The following TPD52 variants were observed in gnomAD, a reference collection of about 807,000 sequenced individuals.
The protein encoded by TPD52 is tumor protein D52.
In TPD52, 17 loss-of-function variants were observed where a neutral mutation model predicts 31.3. That is an observed-to-expected ratio of 0.54 (90% confidence interval 0.37 to 0.82). The LOEUF is 0.82. Among genes scored for constraint, TPD52 ranks in the 40% least tolerant of loss-of-function variants. TPD52 has a pLI of 0.00. For missense variants in TPD52, 212 were observed against 240.1 expected (o/e 0.88, Z 0.77); for synonymous variants, 83 against 89.6 (o/e 0.93, Z 0.42).
chr8:80,095,554 A>T (rs1162081916), intron 1 of TPD52, among the ~76,000 whole-genome samples: 1 of 152,212 alleles, frequency 6.6e-6, no homozygotes, highest in Non-Finnish European at 1.5e-5. Flanking sequence ...TAACAAATGT[A>T]CCATATGAAT....
At chr8:80,041,269 T>C (rs984323393) in intron 7 of TPD52, among the ~76,000 whole-genome samples, 1 of 152,150 alleles carries the variant, frequency 6.6e-6, no homozygotes, top group African/African-American at 2.4e-5. Flanking sequence ...TCTGCACATG[T>C]ATCCCAGAAC....
intron 1 of TPD52, among the ~76,000 whole-genome samples, chr8:80,121,537 A>T (rs533600900): frequency 6.6e-6 from 1 of 152,334 alleles, no homozygotes; most frequent in East Asian, 1.9e-4. Context: ...TACATTGTGT[A>T]AAAGTAGTCA....
intron 1 of TPD52, among the ~76,000 whole-genome samples, chr8:80,082,896 T>G (rs558351463): frequency 3.9e-5 from 6 of 152,360 alleles, no homozygotes; most frequent in African/African-American, 1.4e-4. Flanking sequence ...TTGCCTAAAA[T>G]TTTTATTTTA....
intron 5 of TPD52, among the ~76,000 whole-genome samples, chr8:80,048,658 A>G (rs1811096938): frequency 6.6e-6 from 1 of 152,234 alleles, no homozygotes; most frequent in African/African-American, 2.4e-5. Context: ...TTTTCTTTAT[A>G]TGTGTCAACA....
chr8:80,142,968 C>T (rs1035078940), intron 1 of TPD52, among the ~76,000 whole-genome samples: 10 of 152,176 alleles, frequency 6.6e-5, no homozygotes, highest in Non-Finnish European at 1.3e-4. Flanking sequence ...CACCAATCAA[C>T]AGAGCAACAC....
At chr8:80,129,703 C>CT (rs5892709) in intron 1 of TPD52, among the ~76,000 whole-genome samples, 45,994 of 129,640 alleles carry the variant, frequency 0.35, 9,226 homozygotes, top group East Asian at 0.7. Flanking sequence ...ACTCTCATTT[C>CT]TTTTTTTTTT....
chr8:80,076,213 C>G (rs767237044), intron 1 of TPD52, among the ~76,000 whole-genome samples: 1 of 152,170 alleles, frequency 6.6e-6, no homozygotes, highest in Non-Finnish European at 1.5e-5. Context: ...TGCGTAAGTT[C>G]ATTGTAGCAC....
intron 1 of TPD52, among the ~76,000 whole-genome samples, chr8:80,147,856 C>A (rs182842945): frequency 1.7e-3 from 251 of 151,498 alleles, no homozygotes; most frequent in East Asian, 0.013. Flanking sequence ...ACACACACAC[C>A]CCCCACACCC....
At position 80,053,432 on chromosome 8, in the gene TPD52, T is replaced by A. The variant is rs779206669; in HGVS notation, c.136-2A>T. ...CAGAGTCTGGATTTCTTCTTCTACC[T>A]ATGAGGAAGGGGTTTGGGGTAAGAA... On this transcript the variant is annotated splice_acceptor_variant, in intron 2 of 7. Transcript: ENST00000518937. LOFTEE classifies it high-confidence loss of function. 1 of 1,612,832 alleles carries A rather than the reference T, an allele frequency of 6.2e-7. No homozygotes were observed. Among genetic ancestry groups the A allele is most frequent in the South Asian group, 1.1e-5 (1 of 90,950 alleles).
intron 1 of TPD52, among the ~76,000 whole-genome samples, chr8:80,127,246 T>C (rs1808683066): frequency 2.0e-5 from 3 of 152,228 alleles, no homozygotes; most frequent in Non-Finnish European, 4.4e-5. Flanking sequence ...TGATACAACT[T>C]GAAACATTTC....
intron 1 of TPD52, chr8:80,158,990 T>C (rs1811175787): frequency 7.2e-6 from 1 of 139,588 alleles, no homozygotes. Context: ...CTAACTTCAA[T>C]AGAACCGCAT....
chr8:80,086,829 G>C (rs1210801754), intron 1 of TPD52, among the ~76,000 whole-genome samples: 3 of 133,008 alleles, frequency 2.3e-5, no homozygotes, highest in Middle Eastern at 5.3e-3. Flanking sequence ...AGCTGAGATC[G>C]TGCCACTGCA....
At chr8:80,043,520 G>A (rs889714970) in intron 6 of TPD52, among the ~76,000 whole-genome samples, 1 of 152,184 alleles carries the variant, frequency 6.6e-6, no homozygotes, top group South Asian at 2.1e-4. Context: ...CAGACCAGCT[G>A]CTGCTGCAGC....
intron 2 of TPD52, among the ~76,000 whole-genome samples, chr8:80,058,216 A>G (rs1812110663): frequency 6.6e-6 from 1 of 152,204 alleles, no homozygotes; most frequent in Non-Finnish European, 1.5e-5. Context: ...AAACCATTAG[A>G]CCCAGGCATA....
At chr8:80,155,819 G>T (rs376576617) in intron 1 of TPD52, among the ~76,000 whole-genome samples, 1 of 151,480 alleles carries the variant, frequency 6.6e-6, no homozygotes, top group East Asian at 1.9e-4. Flanking sequence ...GGAGGCAGAG[G>T]TTGCAGTGAG....
chr8:80,096,354 G>C (rs1167228926), intron 1 of TPD52, among the ~76,000 whole-genome samples: 1 of 151,438 alleles, frequency 6.6e-6, no homozygotes, highest in African/African-American at 2.4e-5. Flanking sequence ...AAATACTCAA[G>C]CACCAAAACT....
At chr8:80,062,599 T>G (rs932447920) in intron 2 of TPD52, among the ~76,000 whole-genome samples, 1 of 152,102 alleles carries the variant, frequency 6.6e-6, no homozygotes. Flanking sequence ...GCCAGGGATG[T>G]GGGGAAATTG....
In TPD52 at chr8:80,059,298, G is replaced by A. The variant is rs117925208; in HGVS notation, c.135+5180C>T. Among the ~76,000 whole-genome samples the A allele has an allele frequency of 1.7e-3, 256 of 152,226 alleles. 6 individuals carry two copies. In the East Asian group the frequency reaches 0.046, roughly 27 times the overall value. The stretch of plus-strand genomic sequence containing the variant: ...AGTGTATTAAAACTTTTGGGATGCA[G>A]TTGAAGAACTGTCAGTAAGAAATGT... On this transcript the variant is annotated intron_variant, in intron 2 of 7. Transcript: ENST00000518937.
At position 80,050,482 on chromosome 8, in the gene TPD52, C is replaced by G; in HGVS notation, c.387-11G>C. ...GAAAAGGCTTGCAATCTGTAAGAAG[C>G]CAGAGTAAGCATTAAAAAAGAAAGA... On this transcript the variant is annotated splice_polypyrimidine_tract_variant and intron_variant, in intron 4 of 7. Coordinates refer to ENST00000518937, the MANE Select transcript of TPD52 (RefSeq NM_001025253.3). The G allele has an allele frequency of 3.7e-6, 6 of 1,600,684 alleles. No homozygotes were observed. The highest frequency in any genetic ancestry group is 5.1e-6 in the Non-Finnish European group (6 of 1,174,016).
Sources: allele counts gnomAD v4.1 joint callset (sites outside exome capture counted in the v4.1 genomes callset), GRCh38; gene constraint gnomAD v4.1.1; transcripts MANE v1.5; gene names NCBI Gene and HGNC (gene_info 2026-07-23, HGNC 2026-07-21).